SPAG9: variants seen among roughly 807,000 people sequenced by gnomAD.
SPAG9 encodes the protein C-Jun-amino-terminal kinase-interacting protein 4.
A neutral mutation model predicts 166.5 loss-of-function variants in SPAG9; 35 were observed. That is an observed-to-expected ratio of 0.21 (90% confidence interval 0.16 to 0.28). The LOEUF is 0.28. SPAG9 is among the 10% of genes least tolerant of loss of function. The pLI is 1.00. For synonymous variants in SPAG9, 534 were observed against 565.5 expected (o/e 0.94, Z 0.79); for missense variants, 1,235 against 1,603.3 (o/e 0.77, Z 3.92).
chr17:51,039,447 A>C (rs1201028910), intron 5 of SPAG9, among the ~76,000 whole-genome samples: 2 of 152,218 alleles, frequency 1.3e-5, no homozygotes, highest in African/African-American at 4.8e-5. Flanking sequence ...CATGATTTAC[A>C]AACTAGACTT....
chr17:50,980,500 T>TGG lies in SPAG9; in HGVS notation c.3238-585_3238-584dup, dbSNP rs201789908. Among the ~76,000 whole-genome samples the TGG allele has an allele frequency of 4.1e-3, 615 of 150,644 alleles. 5 individuals carry two copies. Among genetic ancestry groups the TGG allele is most frequent in the African/African-American group, 0.014 (593 of 41,174 alleles). On this transcript the variant is annotated intron_variant, in intron 25 of 29. Transcript: ENST00000262013. ...GATTACAAGCATGAGCCACCGCACC[T>TGG]GGCCTAACAGAAAGATTTTATCTCC...
intron 1 of SPAG9, among the ~76,000 whole-genome samples, chr17:51,093,710 A>AG (rs1208293986): frequency 4.0e-5 from 6 of 150,866 alleles, no homozygotes; most frequent in East Asian, 1.9e-4. Flanking sequence ...AAAAAAAAAA[A>AG]AAAAAGAAAA....
chr17:51,074,884 T>C (rs988762521), intron 2 of SPAG9, among the ~76,000 whole-genome samples: 3 of 151,938 alleles, frequency 2.0e-5, no homozygotes, highest in Admixed American at 1.3e-4. Flanking sequence ...GTCCCCTAAA[T>C]TGATCACTTC....
rs978265910 is a variant in SPAG9 at position 51,074,518 on chromosome 17, T to C, written c.424+5066A>G. The stretch of plus-strand genomic sequence containing the variant: ...CCACAGTTTGTAAGTTCCTTAATTG[T>C]TCTTTATACAGCAAGCTTTATTTCA... On this transcript the variant is annotated intron_variant, in intron 2 of 29. Transcript: ENST00000262013. Among the ~76,000 whole-genome samples the C allele has an allele frequency of 4.6e-5, 7 of 152,360 alleles. No individual in the cohort carries two copies. The East Asian group carries it at 1.3e-3, about 29-fold the overall frequency.
intron 19 of SPAG9, 46 bp from the exon 20 acceptor site, chr17:50,990,714 T>C: frequency 6.7e-7 from 1 of 1,500,262 alleles, no homozygotes; most frequent in East Asian, 2.3e-5. Flanking sequence ...CTTCTATAAA[T>C]AACATTTTTT....
chr17:51,026,106 T>C (rs943787835), intron 6 of SPAG9, among the ~76,000 whole-genome samples: 8 of 152,106 alleles, frequency 5.3e-5, no homozygotes, highest in African/African-American at 9.7e-5. Flanking sequence ...CTCTTAAATA[T>C]AGAGAAATTA....
intron 6 of SPAG9, chr17:51,023,272 T>C (rs2046016135): frequency 6.7e-6 from 1 of 149,108 alleles, no homozygotes; most frequent in Non-Finnish European, 1.5e-5. Flanking sequence ...AGTATAATTA[T>C]AATACATAAT....
intron 1 of SPAG9, among the ~76,000 whole-genome samples, chr17:51,119,553 C>G (rs1216140583): frequency 6.6e-6 from 1 of 152,146 alleles, no homozygotes; most frequent in Non-Finnish European, 1.5e-5. Flanking sequence ...CTAGAGTTAA[C>G]AGGTGGCCAA....
chr17:51,060,075 CTT>C (rs1285846911), intron 2 of SPAG9, among the ~76,000 whole-genome samples: 1 of 152,090 alleles, frequency 6.6e-6, no homozygotes, highest in Non-Finnish European at 1.5e-5. Flanking sequence ...TCACAACACT[CTT>C]TGCTTCCCAT....
At chr17:51,028,790 T>C (rs567014904) in intron 6 of SPAG9, among the ~76,000 whole-genome samples, 5 of 152,092 alleles carry the variant, frequency 3.3e-5, no homozygotes, top group South Asian at 2.1e-4. Flanking sequence ...TCCAGGGGAG[T>C]TGCATGCTGT....
intron 9 of SPAG9, among the ~76,000 whole-genome samples, chr17:51,010,415 G>A (rs1001765075): frequency 6.6e-6 from 1 of 151,964 alleles, no homozygotes; most frequent in African/African-American, 2.4e-5. Context: ...AGTCTGTCCA[G>A]GGAGACAGAT....
chr17:51,037,665 T>TTATATATATATA lies in SPAG9; in HGVS notation c.741+3824_741+3835dup, dbSNP rs59365716. On this transcript the variant is annotated intron_variant, in intron 5 of 29. Transcript: ENST00000262013. ...AATAAAATAAGTAAATATATGTGTT[T>TTATATATATATA]TATATATATATATATATATAGTGTG... Among the ~76,000 whole-genome samples, 176 of 92,900 alleles carry TTATATATATATA rather than the reference T, an allele frequency of 1.9e-3. 5 individuals are homozygous for TTATATATATATA. Among genetic ancestry groups the TTATATATATATA allele is most frequent in the African/African-American group, 5.0e-3 (135 of 26,900 alleles). 60.9% of individuals were successfully genotyped at this position (92,900 alleles called of 152,430 possible).
In SPAG9 at chr17:50,970,955, A is replaced by G. The variant is rs1973749088; in HGVS notation, c.3701-99T>C. The G allele has an allele frequency of 3.3e-6, 3 of 907,262 alleles. 1 individual carries two copies. The South Asian group carries it at 5.0e-5, about 15-fold the overall frequency. The allele number at this position is 907,262 out of a possible 1,614,324, so 56.2% of individuals were successfully genotyped here. A position where few individuals can be genotyped will look rare whatever the true frequency, so the allele number is the denominator to read the frequency against. On this transcript the variant is annotated intron_variant, in intron 28 of 29. Transcript: ENST00000262013. ...ATTTTTAGAGTTAAACAAAAAGGTA[A>G]ATATATTCTAATAACCAAATACTGG...
intron 8 of SPAG9, among the ~76,000 whole-genome samples, chr17:51,017,249 T>C (rs144895353): frequency 6.6e-6 from 1 of 152,292 alleles, no homozygotes; most frequent in East Asian, 1.9e-4. Flanking sequence ...GCTAATTCAT[T>C]ATATACAAGA....
At chr17:51,022,883 G>C (rs1334379234) in intron 6 of SPAG9, among the ~76,000 whole-genome samples, 2 of 150,528 alleles carry the variant, frequency 1.3e-5, no homozygotes, top group African/African-American at 4.9e-5. Context: ...CCGGGAGGCA[G>C]AGGTTGCAGT....
intron 8 of SPAG9, among the ~76,000 whole-genome samples, chr17:51,018,884 T>C (rs558188036): frequency 6.6e-6 from 1 of 152,210 alleles, no homozygotes; most frequent in Non-Finnish European, 1.5e-5. Flanking sequence ...TCTTGGTTTT[T>C]TCAAGTTACA....
At chr17:51,103,070 A>G (rs1441497682) in intron 1 of SPAG9, among the ~76,000 whole-genome samples, 3 of 152,150 alleles carry the variant, frequency 2.0e-5, no homozygotes, top group African/African-American at 7.2e-5. Flanking sequence ...TACCCAGGAG[A>G]AGTCATGGTT....
At chr17:51,075,195 C>CAAAAAAAAAAA (rs57533555) in intron 2 of SPAG9, among the ~76,000 whole-genome samples, 8 of 28,946 alleles carry the variant, frequency 2.8e-4, no homozygotes, top group African/African-American at 5.0e-4. Context: ...GACTCCATCT[C>CAAAAAAAAAAA]AAAAAAAAAA....
At chr17:51,119,079 G>C (rs1209172731) in intron 1 of SPAG9, among the ~76,000 whole-genome samples, 2 of 144,646 alleles carry the variant, frequency 1.4e-5, no homozygotes, top group African/African-American at 5.1e-5. Flanking sequence ...AAATTCAATA[G>C]CATTCCTTTG....
Sources: gnomAD v4.1 joint callset for allele counts (sites outside exome capture counted in the v4.1 genomes callset) on GRCh38, gnomAD v4.1.1 for gene constraint, MANE v1.5 for transcripts, NCBI Gene and HGNC (gene_info 2026-07-23, HGNC 2026-07-21) for gene names.